IQSEC1: variants seen among roughly 807,000 people sequenced by gnomAD.
IQSEC1 encodes IQ motif and SEC7 domain-containing protein 1.
In IQSEC1, 31 loss-of-function variants were observed where a neutral mutation model predicts 91.0. The ratio of observed to expected loss-of-function variants is 0.34; its 90% CI spans 0.26 to 0.46. The LOEUF is 0.46. IQSEC1 is among the 20% of genes least tolerant of loss of function. The probability of loss-of-function intolerance (pLI) is 1.00; values close to 1 mark genes in which losing one functional copy is unlikely to be tolerated. For synonymous variants in IQSEC1, 699 were observed against 662.6 expected (o/e 1.05, Z -0.84); for missense variants, 1,388 against 1,575.6 (o/e 0.88, Z 2.02).
chr3:13,219,371 T>C (rs1447687086), intron 1 of IQSEC1, among the ~76,000 whole-genome samples: 1 of 152,156 alleles, frequency 6.6e-6, no homozygotes, highest in Non-Finnish European at 1.5e-5. Flanking sequence ...TCCCTGGAGT[T>C]TCTCCTGGCA....
intron 1 of IQSEC1, chr3:12,960,693 C>T (rs975828265): frequency 2.0e-5 from 3 of 152,238 alleles, no homozygotes; most frequent in African/African-American, 4.8e-5. Flanking sequence ...TCCAATCAGA[C>T]AGGTATGTGT....
At chr3:12,902,222 C>A (rs1320434374) in intron 13 of IQSEC1, among the ~76,000 whole-genome samples, 2 of 152,182 alleles carry the variant, frequency 1.3e-5, no homozygotes, top group Non-Finnish European at 2.9e-5. Flanking sequence ...GAAATCCACA[C>A]TGAATCTCTT....
chr3:12,957,373 T>A (rs1559672298), intron 1 of IQSEC1, among the ~76,000 whole-genome samples: 1 of 152,212 alleles, frequency 6.6e-6, no homozygotes, highest in Non-Finnish European at 1.5e-5. Flanking sequence ...TGCACGGAGA[T>A]GACCAGAAGC....
At chr3:13,010,311 C>G (rs867479100) in intron 1 of IQSEC1, among the ~76,000 whole-genome samples, 2 of 152,170 alleles carry the variant, frequency 1.3e-5, no homozygotes, top group African/African-American at 4.8e-5. Context: ...ATTCTCAGTC[C>G]ATCTAATTTG....
chr3:13,063,820 A>C (rs1705149202), intron 1 of IQSEC1, among the ~76,000 whole-genome samples: 1 of 152,132 alleles, frequency 6.6e-6, no homozygotes. Flanking sequence ...GGTGTCAGGG[A>C]GTGGAGGGCA....
chr3:13,127,566 CTA>C (rs1706538240), intron 2 of IQSEC1, among the ~76,000 whole-genome samples: 2 of 123,682 alleles, frequency 1.6e-5, no homozygotes, highest in African/African-American at 3.9e-5. Flanking sequence ...GTGAGTCCTC[CTA>C]TTTATTTTTC....
intron 3 of IQSEC1, among the ~76,000 whole-genome samples, chr3:12,931,817 C>T (rs772420006): frequency 1.3e-5 from 2 of 152,212 alleles, no homozygotes. Context: ...GCCAGGTCCA[C>T]AGAAGGGGGC....
At chr3:12,933,448 C>T (rs1697885384) in intron 3 of IQSEC1, among the ~76,000 whole-genome samples, 1 of 152,214 alleles carries the variant, frequency 6.6e-6, no homozygotes, top group African/African-American at 2.4e-5. Context: ...CACAGTCCCG[C>T]GCCCTGAGTG....
intron 1 of IQSEC1, among the ~76,000 whole-genome samples, chr3:13,070,781 A>G (rs1001276094): frequency 6.6e-6 from 1 of 152,200 alleles, no homozygotes; most frequent in African/African-American, 2.4e-5. Context: ...AGACCCACAG[A>G]AAAGAAAGAC....
chr3:13,072,840 C>A (rs950772115), intron 1 of IQSEC1, among the ~76,000 whole-genome samples, 152 bp downstream of exon 1: 1 of 152,212 alleles, frequency 6.6e-6, no homozygotes, highest in Non-Finnish European at 1.5e-5. Flanking sequence ...AGGGGCCGAG[C>A]GCCGGCATCC....
chr3:13,211,509 C>T lies in IQSEC1; in HGVS notation c.273-47376G>A, dbSNP rs568329247. On this transcript the variant is annotated intron_variant, in intron 1 of 15. Coordinates refer to the IQSEC1 transcript ENST00000648114. This position sits in a 1 kb window ranked among gnomAD's most constrained non-coding sequence, Gnocchi z 5.3. ...GCTCTTCAGGCATCCACCCCCAAGT[C>T]CCCTTTTGGGAGCAGTGTCTTCAGC... 9.2e-5 allele frequency among the ~76,000 whole-genome samples: 14 copies of T among 152,112 alleles called. No individual in the cohort carries two copies. The highest frequency in any genetic ancestry group is 5.9e-4 in the Admixed American group (9 of 15,284).
At chr3:13,168,072 G>C (rs1693532089) in intron 1 of IQSEC1, among the ~76,000 whole-genome samples, 1 of 152,194 alleles carries the variant, frequency 6.6e-6, no homozygotes, top group Non-Finnish European at 1.5e-5. Flanking sequence ...GTGGATTTAG[G>C]TGATGGTCCA....
chr3:13,193,522 G>A lies in IQSEC1; in HGVS notation c.273-29389C>T, dbSNP rs1349760457. The stretch of plus-strand genomic sequence containing the variant: ...ACTGGGAACAAGGCACAGAGGGGAC[G>A]AAGAGGAGTGCCAGCCCAGGCCGCC... On this transcript the variant is annotated intron_variant, in intron 1 of 15. Coordinates refer to the IQSEC1 transcript ENST00000648114. The surrounding 1 kb of genome is among the most constrained non-coding windows in gnomAD (Gnocchi z 4.2). Among the ~76,000 whole-genome samples, 4 of 152,274 alleles carry A rather than the reference G, an allele frequency of 2.6e-5. No homozygotes were observed. Among genetic ancestry groups the A allele is most frequent in the East Asian group, 3.9e-4 (2 of 5,174 alleles).
In IQSEC1 at chr3:13,162,333, T is replaced by C. The variant is rs535093079; in HGVS notation, c.302+1771A>G. ...CCAGAGAGGCAGGCCAGGGAGGGCC[T>C]GAGAGGCTGCGAGGCCATCTCCTTC... On this transcript the variant is annotated intron_variant, in intron 2 of 15. Transcript: ENST00000648114. Among the ~76,000 whole-genome samples, 6 of 152,316 alleles carry C rather than the reference T, an allele frequency of 3.9e-5. No homozygotes were observed. The East Asian group carries it at 9.6e-4, about 24-fold the overall frequency.
chr3:13,165,697 G>A (rs1306680382), intron 1 of IQSEC1, among the ~76,000 whole-genome samples: 1 of 151,836 alleles, frequency 6.6e-6, no homozygotes, highest in Admixed American at 6.6e-5. Flanking sequence ...TGAGCCCCCT[G>A]CCACCAACCA....
chr3:13,142,831 C>T (rs746237372), intron 2 of IQSEC1, among the ~76,000 whole-genome samples: 1 of 152,148 alleles, frequency 6.6e-6, no homozygotes, highest in Non-Finnish European at 1.5e-5. Flanking sequence ...GGCTGCATGG[C>T]CCACAAAGCC....
In IQSEC1 at chr3:13,210,791, G is replaced by A. The variant is rs532369536; in HGVS notation, c.273-46658C>T. 3.9e-5 allele frequency among the ~76,000 whole-genome samples: 6 copies of A among 152,264 alleles called. No homozygotes were observed. In the South Asian group the frequency reaches 8.3e-4, roughly 21 times the overall value. On this transcript the variant is annotated intron_variant, in intron 1 of 15. Coordinates refer to the IQSEC1 transcript ENST00000648114. ...GTTTCTCCCTGTGCCCACCCTGATGGGGACACTCCTAGGGGAGAAGGGGAA... is the reference window on the plus strand; with the variant it reads ...GTTTCTCCCTGTGCCCACCCTGATGAGGACACTCCTAGGGGAGAAGGGGAA...
chr3:12,939,450 G>A (rs564176011), intron 2 of IQSEC1, among the ~76,000 whole-genome samples: 2 of 152,370 alleles, frequency 1.3e-5, no homozygotes, highest in Admixed American at 1.3e-4. Context: ...AAGAGCACAG[G>A]AGACTAGCCC....
intron 9 of IQSEC1, among the ~76,000 whole-genome samples, chr3:12,913,139 G>A (rs1432681166): frequency 6.6e-6 from 1 of 152,246 alleles, no homozygotes; most frequent in African/African-American, 2.4e-5. Context: ...GAAGGGGCCT[G>A]CCCGAGGAAG....
Sources: allele counts gnomAD v4.1 joint callset (sites outside exome capture counted in the v4.1 genomes callset), GRCh38; gene constraint gnomAD v4.1.1; non-coding constraint Gnocchi (gnomAD v3.1); transcripts MANE v1.5; gene names NCBI Gene and HGNC (gene_info 2026-07-23, HGNC 2026-07-21).